The following NTNG1 variants were observed in gnomAD, a reference collection of about 807,000 sequenced individuals.
NTNG1 encodes netrin G1.
Under a neutral mutation model 54.0 loss-of-function variants are expected in NTNG1, and 16 were observed. The observed-to-expected ratio is 0.30, with a 90% CI of 0.20 to 0.45. The LOEUF is 0.45. Among genes scored for constraint, NTNG1 ranks in the 20% least tolerant of loss-of-function variants. The probability of loss-of-function intolerance (pLI) is 1.00; values close to 1 mark genes in which losing one functional copy is unlikely to be tolerated. For missense variants in NTNG1, 530 were observed against 678.7 expected, an observed-to-expected ratio of 0.78 and a Z score of 2.43; for synonymous variants, 255 against 263.1, an observed-to-expected ratio of 0.97 and a Z score of 0.30.
intron 2 of NTNG1, among the ~76,000 whole-genome samples, chr1:107,308,991 A>G (rs1476814961): frequency 7.0e-6 from 1 of 142,088 alleles, no homozygotes; most frequent in Non-Finnish European, 1.6e-5. Flanking sequence ...TTACACGTTG[A>G]TGTATTATTG....
chr1:107,195,608 G>A (rs1658262504), intron 2 of NTNG1, among the ~76,000 whole-genome samples: 1 of 151,170 alleles, frequency 6.6e-6, no homozygotes. Flanking sequence ...CACACACACA[G>A]GCAGACACAC....
intron 7 of NTNG1, among the ~76,000 whole-genome samples, chr1:107,460,087 A>G (rs1168915690): frequency 1.3e-5 from 2 of 152,206 alleles, no homozygotes; most frequent in Non-Finnish European, 2.9e-5. Context: ...CAGGAAAGGA[A>G]AACCTCTAGA....
intron 5 of NTNG1, among the ~76,000 whole-genome samples, chr1:107,415,078 A>G (rs1674107430): frequency 6.6e-6 from 1 of 152,184 alleles, no homozygotes; most frequent in Non-Finnish European, 1.5e-5. Flanking sequence ...ACATATGTAG[A>G]CATAGTCTTT....
chr1:107,468,486 C>A (rs1042958366), intron 7 of NTNG1, among the ~76,000 whole-genome samples: 2 of 152,188 alleles, frequency 1.3e-5, no homozygotes, highest in African/African-American at 4.8e-5. Context: ...GAATGTTTTA[C>A]AAATTTGTCT....
intron 2 of NTNG1, among the ~76,000 whole-genome samples, chr1:107,178,166 ACT>A (rs1221201943): frequency 6.6e-6 from 1 of 152,072 alleles, no homozygotes; most frequent in Non-Finnish European, 1.5e-5. Flanking sequence ...CATTATCATG[ACT>A]CTGCAGACAT....
At chr1:107,308,656 G>A (rs982030871) in intron 2 of NTNG1, among the ~76,000 whole-genome samples, 7 of 152,090 alleles carry the variant, frequency 4.6e-5, no homozygotes, top group African/African-American at 1.7e-4. Context: ...GGTTCCAAAT[G>A]AATTTTAGAA....
chr1:107,379,791 A>C (rs1671533070), intron 3 of NTNG1, among the ~76,000 whole-genome samples: 1 of 152,232 alleles, frequency 6.6e-6, no homozygotes, highest in South Asian at 2.1e-4. Context: ...AAATTAAGAT[A>C]CATAAAAGTT....
chr1:107,393,088 T>C (rs1672465602), intron 3 of NTNG1, among the ~76,000 whole-genome samples: 1 of 152,208 alleles, frequency 6.6e-6, no homozygotes, highest in South Asian at 2.1e-4. Flanking sequence ...ATAATGTCTT[T>C]AGAATGGAAA....
chr1:107,417,788 C>CA (rs570949018), intron 5 of NTNG1, among the ~76,000 whole-genome samples: 59 of 152,054 alleles, frequency 3.9e-4, no homozygotes, highest in Non-Finnish European at 6.6e-4. Context: ...TGCACCTTCA[C>CA]AAAAATAGTT....
chr1:107,316,175 T>C (rs541061503), intron 2 of NTNG1, among the ~76,000 whole-genome samples: 1 of 152,288 alleles, frequency 6.6e-6, no homozygotes, highest in Non-Finnish European at 1.5e-5. Context: ...GTGATTCCAA[T>C]GCACACCAGA....
intron 7 of NTNG1, among the ~76,000 whole-genome samples, chr1:107,476,827 G>C (rs1171250660): frequency 6.6e-6 from 1 of 152,098 alleles, no homozygotes; most frequent in Non-Finnish European, 1.5e-5. Flanking sequence ...TTCACAACCA[G>C]GTCACATTTG....
At chr1:107,436,643 G>C (rs985595838) in intron 6 of NTNG1, 22 bp from the exon 7 acceptor site, 1 of 1,609,344 alleles carries the variant, frequency 6.2e-7, no homozygotes, top group Admixed American at 1.7e-5. Flanking sequence ...TCTCCAGCCT[G>C]TGTGTTGTCT....
At chr1:107,268,432 G>C (rs992217837) in intron 2 of NTNG1, among the ~76,000 whole-genome samples, 48 of 151,288 alleles carry the variant, frequency 3.2e-4, no homozygotes, top group African/African-American at 1.1e-3. Context: ...CTCACTTCTT[G>C]AAACTGTCTT....
In NTNG1 at chr1:107,252,381, C is replaced by T. The variant is rs539484652; in HGVS notation, c.247-71901C>T. On this transcript the variant is annotated intron_variant, in intron 2 of 7. Transcript: ENST00000370068. ...AGGAAATGTATTTTATCGAAAGTCA[C>T]GGAAACCAGTGCATGCAAGCTTAAT... 4.6e-5 allele frequency among the ~76,000 whole-genome samples: 7 copies of T among 152,242 alleles called. No homozygotes were observed. In the East Asian group the frequency reaches 9.7e-4, roughly 21 times the overall value.
chr1:107,321,634 T>C (rs1331062111), intron 2 of NTNG1, among the ~76,000 whole-genome samples: 1 of 152,140 alleles, frequency 6.6e-6, no homozygotes, highest in Non-Finnish European at 1.5e-5. Flanking sequence ...AGAGACTCCG[T>C]GGTCACATAA....
At chr1:107,161,282 C>G (rs1655378412) in intron 2 of NTNG1, among the ~76,000 whole-genome samples, 1 of 152,164 alleles carries the variant, frequency 6.6e-6, no homozygotes, top group Non-Finnish European at 1.5e-5. Context: ...GGCCCTTAAT[C>G]TCTTAAAGGT....
At chr1:107,461,035 G>A (rs531836977) in intron 7 of NTNG1, among the ~76,000 whole-genome samples, 1 of 152,306 alleles carries the variant, frequency 6.6e-6, no homozygotes, top group South Asian at 2.1e-4. Context: ...AAGGATGGAT[G>A]CTGGGTGAAA....
At chr1:107,164,960 A>G (rs1010373997) in intron 2 of NTNG1, among the ~76,000 whole-genome samples, 1 of 152,156 alleles carries the variant, frequency 6.6e-6, no homozygotes, top group African/African-American at 2.4e-5. Context: ...GTTGGACCGC[A>G]CAGTCTAAGC....
chr1:107,383,417 C>G (rs941476434), intron 3 of NTNG1, among the ~76,000 whole-genome samples: 2 of 152,052 alleles, frequency 1.3e-5, no homozygotes, highest in South Asian at 4.1e-4. Context: ...TGGTATAGTT[C>G]ACATCAAATC....
Sources: allele counts gnomAD v4.1 joint callset (sites outside exome capture counted in the v4.1 genomes callset), GRCh38; gene constraint gnomAD v4.1.1; transcripts MANE v1.5; gene names NCBI Gene and HGNC (gene_info 2026-07-23, HGNC 2026-07-21).